The following CBFA2T3 variants were observed in gnomAD, a reference collection of about 807,000 sequenced individuals.
CBFA2T3 encodes the protein transcriptional corepressor CBFA2T3.
Under a neutral mutation model 58.6 loss-of-function variants are expected in CBFA2T3, and 31 were observed. That is an observed-to-expected ratio of 0.53 (90% CI 0.40 to 0.71). The LOEUF (loss-of-function observed/expected upper bound fraction) is 0.71, where lower values mean the gene tolerates loss of function less well. Among genes scored for constraint, CBFA2T3 ranks in the 30% least tolerant of loss-of-function variants. The pLI, the probability that CBFA2T3 is intolerant of heterozygous loss-of-function variation, is 0.00. For missense variants in CBFA2T3, 1,076 were observed against 963.1 expected (o/e 1.12, Z -1.55); for synonymous variants, 531 against 421.9 (o/e 1.26, Z -3.17).
intron 1 of CBFA2T3, among the ~76,000 whole-genome samples, chr16:88,959,903 G>A (rs1429185562): frequency 2.0e-5 from 3 of 152,152 alleles, no homozygotes; most frequent in South Asian, 2.1e-4. Flanking sequence ...ACGGGCGTCT[G>A]TAATCCCAGC....
In CBFA2T3 at chr16:88,953,400, C is replaced by T. The variant is rs1972129883; in HGVS notation, c.151+23257G>A. Reference sequence around the variant, plus strand: ...CATGTCCACCCAGATGGTGAGCTGGCCCTGCCCTGGAGACACTGTGTCCAG... The same window carrying T: ...CATGTCCACCCAGATGGTGAGCTGGTCCTGCCCTGGAGACACTGTGTCCAG... On this transcript the variant is annotated intron_variant, in intron 1 of 11. Transcript: ENST00000268679. This position sits in a 1 kb window ranked among gnomAD's most constrained non-coding sequence, Gnocchi z 4.9. 6.6e-6 allele frequency among the ~76,000 whole-genome samples: 1 copy of T among 152,216 alleles called. No individual in the cohort carries two copies. The highest frequency in any genetic ancestry group is 1.5e-5 in the Non-Finnish European group (1 of 68,036).
chr16:88,951,060 C>G, intron 1 of CBFA2T3: 1 of 380,092 alleles, frequency 2.6e-6, no homozygotes, highest in South Asian at 1.7e-5. Flanking sequence ...ACCTGTCTTC[C>G]GGATCTGTTC....
chr16:88,903,664 G>A (rs1202640670), intron 1 of CBFA2T3, among the ~76,000 whole-genome samples: 1 of 136,688 alleles, frequency 7.3e-6, no homozygotes, highest in African/African-American at 2.7e-5. Flanking sequence ...CCGGCTGGGG[G>A]GGGGGGCGTT....
intron 1 of CBFA2T3, among the ~76,000 whole-genome samples, chr16:88,974,500 C>G (rs550421407): frequency 6.6e-6 from 1 of 152,082 alleles, no homozygotes; most frequent in African/African-American, 2.4e-5. Context: ...GGTCCTCCCA[C>G]CCCCTGCACA....
rs1969340392 is a variant in CBFA2T3 at position 88,885,727 on chromosome 16, TCC to T, written c.893+232_893+233del. ...GAGAGCCGTCCTCCCACCAGCCTCC[TCC>T]CTGTCCTCCTAGGCTCCCCGGAGCA... On this transcript the variant is annotated intron_variant, in intron 6 of 11. Transcript: ENST00000268679. The surrounding 1 kb of genome is among the most constrained non-coding windows in gnomAD (Gnocchi z 5.3). 1.8e-6 allele frequency: 1 copy of T among 545,432 alleles called. No homozygotes were observed. The highest frequency in any genetic ancestry group is 1.9e-5 in the African/African-American group (1 of 51,618). 33.8% of individuals were successfully genotyped at this position (545,432 alleles called of 1,614,324 possible).
chr16:88,959,333 G>C (rs1017676328), intron 1 of CBFA2T3, among the ~76,000 whole-genome samples: 5 of 152,238 alleles, frequency 3.3e-5, no homozygotes, highest in Admixed American at 1.3e-4. Flanking sequence ...CCTTGCGGGA[G>C]AGAGTTGAAG....
chr16:88,956,948 G>C (rs1411221282), intron 1 of CBFA2T3, among the ~76,000 whole-genome samples: 1 of 151,956 alleles, frequency 6.6e-6, no homozygotes, highest in Non-Finnish European at 1.5e-5. Context: ...TGCAGAGGCT[G>C]AACCACAGAA....
chr16:88,968,342 G>A (rs1052012847), intron 1 of CBFA2T3, among the ~76,000 whole-genome samples: 6 of 152,182 alleles, frequency 3.9e-5, no homozygotes, highest in Non-Finnish European at 5.9e-5. Flanking sequence ...CTTCCCACCC[G>A]CCGCCCGGAG....
intron 1 of CBFA2T3, among the ~76,000 whole-genome samples, chr16:88,934,577 G>A (rs370477085): frequency 6.8e-4 from 104 of 152,368 alleles, no homozygotes; most frequent in African/African-American, 2.4e-3. Context: ...ACCCCCGCAA[G>A]GGACAGATGG....
chr16:88,972,477 A>G (rs937225944), intron 1 of CBFA2T3, among the ~76,000 whole-genome samples: 1 of 151,920 alleles, frequency 6.6e-6, no homozygotes, highest in Non-Finnish European at 1.5e-5. Flanking sequence ...CCTCTGTCTG[A>G]CCTTCGTAAA....
intron 2 of CBFA2T3, among the ~76,000 whole-genome samples, chr16:88,900,537 A>G (rs1275678179): frequency 1.3e-5 from 2 of 152,100 alleles, no homozygotes; most frequent in Non-Finnish European, 2.9e-5. Context: ...CCCGTCAGGG[A>G]CCCGGGGCAA....
chr16:88,892,391 G>A lies in CBFA2T3; in HGVS notation c.474C>T (p.Ala158=), dbSNP rs201160650. The A allele has an allele frequency of 5.6e-5, 90 of 1,613,632 alleles. No homozygotes were observed. The East Asian group carries it at 1.7e-3, about 31-fold the overall frequency. Residue 158 remains alanine (A), a synonymous_variant, in exon 4 of 12, where the codon GCC becomes GCT. Coordinates refer to ENST00000268679, the MANE Select transcript of CBFA2T3 (RefSeq NM_005187.6). The stretch of plus-strand genomic sequence containing the variant: ...GGGGCAGGTGCTGTGTGGACAAGGA[G>A]GCTGTGGACGAGGTGGCCGGGCCAT... ...FSNGPATSST[A]SLSTQHLPPA...
At chr16:88,924,966 C>G (rs967520599) in intron 1 of CBFA2T3, among the ~76,000 whole-genome samples, 1 of 152,232 alleles carries the variant, frequency 6.6e-6, no homozygotes, top group Non-Finnish European at 1.5e-5. Flanking sequence ...AACTGAGGGA[C>G]GGCCCTGAAG....
intron 1 of CBFA2T3, among the ~76,000 whole-genome samples, chr16:88,949,992 G>A (rs1972009133): frequency 6.6e-6 from 1 of 152,016 alleles, no homozygotes; most frequent in Non-Finnish European, 1.5e-5. Flanking sequence ...GTGGGTGACA[G>A]AGATTCTGTC....
intron 1 of CBFA2T3, among the ~76,000 whole-genome samples, chr16:88,906,031 T>C (rs1970317364): frequency 6.6e-6 from 1 of 151,960 alleles, no homozygotes; most frequent in Non-Finnish European, 1.5e-5. Flanking sequence ...TCCTTGCCTC[T>C]TCAAAGGGGA....
chr16:88,963,720 G>A (rs1012747311), intron 1 of CBFA2T3, among the ~76,000 whole-genome samples: 5 of 152,240 alleles, frequency 3.3e-5, no homozygotes, highest in Admixed American at 1.3e-4. Flanking sequence ...TTTTAGCGGC[G>A]TCATGCCTGG....
intron 1 of CBFA2T3, among the ~76,000 whole-genome samples, chr16:88,943,314 C>A (rs1971808139): frequency 6.6e-6 from 1 of 152,240 alleles, no homozygotes; most frequent in Non-Finnish European, 1.5e-5. Context: ...AGCGGCACGT[C>A]CGTGGTCTCG....
intron 1 of CBFA2T3, among the ~76,000 whole-genome samples, chr16:88,972,361 C>G (rs1225877199): frequency 6.6e-6 from 1 of 152,276 alleles, no homozygotes; most frequent in East Asian, 1.9e-4. Context: ...CTTTGTCCCA[C>G]CGTCCACTCT....
intron 1 of CBFA2T3, chr16:88,940,903 C>G: frequency 2.3e-6 from 1 of 438,458 alleles, no homozygotes; most frequent in African/African-American, 2.1e-5. Context: ...GCCGTGGGCA[C>G]CAACTTTGAA....
Sources: allele counts gnomAD v4.1 joint callset (sites outside exome capture counted in the v4.1 genomes callset), GRCh38; gene constraint gnomAD v4.1.1; non-coding constraint Gnocchi (gnomAD v3.1); transcripts MANE v1.5; gene names NCBI Gene and HGNC (gene_info 2026-07-23, HGNC 2026-07-21).